The following PLOD2 variants were observed in gnomAD, a reference collection of about 807,000 sequenced individuals.
PLOD2 encodes the protein lysine hydroxylase 2.
PLOD2 carries 65 observed loss-of-function variants against 101.0 expected under a neutral mutation model. The observed-to-expected ratio is 0.64, with a 90% CI of 0.53 to 0.79. PLOD2 has a LOEUF of 0.79. Among genes scored for constraint, PLOD2 ranks in the 30% least tolerant of loss-of-function variants. The probability of loss-of-function intolerance (pLI) is 0.00; values close to 1 mark genes in which losing one functional copy is unlikely to be tolerated. For missense variants in PLOD2, 909 were observed against 914.6 expected (o/e 0.99, Z 0.08); for synonymous variants, 314 against 302.9 (o/e 1.04, Z -0.38).
intron 2 of PLOD2, among the ~76,000 whole-genome samples, chr3:146,122,529 G>C (rs1394918629): frequency 1.3e-5 from 2 of 152,042 alleles, no homozygotes; most frequent in African/African-American, 4.8e-5. Flanking sequence ...CAGACTTCAG[G>C]GTATCACTCC....
At chr3:146,155,440 C>T (rs919754567) in intron 1 of PLOD2, among the ~76,000 whole-genome samples, 4 of 151,858 alleles carry the variant, frequency 2.6e-5, no homozygotes, top group African/African-American at 7.3e-5. Flanking sequence ...TGGCCAGGCG[C>T]GGTGGCTCAC....
intron 8 of PLOD2, 48 bp from the exon 9 acceptor site, chr3:146,088,759 T>C (rs1936874494): frequency 6.9e-7 from 1 of 1,445,478 alleles, no homozygotes; most frequent in African/African-American, 1.4e-5. Flanking sequence ...TAGTATGGTT[T>C]TGTTTTAAAT....
chr3:146,075,505 A>AAAG lies in PLOD2; in HGVS notation c.1677+1274_1677+1276dup, dbSNP rs1553728758. Among the ~76,000 whole-genome samples, 40 of 150,416 alleles carry AAAG rather than the reference A, an allele frequency of 2.7e-4. 1 individual carries two copies. The highest frequency in any genetic ancestry group is 5.3e-4 in the African/African-American group (22 of 41,180). On this transcript the variant is annotated intron_variant, in intron 15 of 19. Transcript: ENST00000282903. ...AAATCTGTAAAAAAAAAAAAAAAAA[A>AAAG]AAGAAGAAGAAAACAGATTTTAAAA... is the stretch of plus-strand genomic sequence containing the variant.
intron 1 of PLOD2, among the ~76,000 whole-genome samples, chr3:146,129,099 A>T (rs759430919): frequency 1.3e-5 from 2 of 152,074 alleles, no homozygotes; most frequent in Non-Finnish European, 2.9e-5. Flanking sequence ...CACTGTTCTC[A>T]TTCTACAACT....
At chr3:146,082,812 T>C (rs1936609358) in intron 11 of PLOD2, among the ~76,000 whole-genome samples, 1 of 152,070 alleles carries the variant, frequency 6.6e-6, no homozygotes, top group South Asian at 2.1e-4. Flanking sequence ...GGAGAATCGC[T>C]TGAACCCGGG....
At chr3:146,112,937 C>A (rs1341777923) in intron 3 of PLOD2, among the ~76,000 whole-genome samples, 2 of 151,432 alleles carry the variant, frequency 1.3e-5, no homozygotes, top group African/African-American at 4.9e-5. Context: ...AACAAACCTG[C>A]ACGTTCTGCA....
intron 4 of PLOD2, among the ~76,000 whole-genome samples, chr3:146,108,268 C>T (rs1404804905): frequency 6.6e-6 from 1 of 152,026 alleles, no homozygotes; most frequent in Non-Finnish European, 1.5e-5. Flanking sequence ...GCAGCCTCGA[C>T]CTCCTGGGCT....
At chr3:146,135,739 C>G (rs1359230169) in intron 1 of PLOD2, among the ~76,000 whole-genome samples, 3 of 151,960 alleles carry the variant, frequency 2.0e-5, no homozygotes, top group East Asian at 1.9e-4. Flanking sequence ...CGTGCATACT[C>G]TCTATTCCAC....
intron 1 of PLOD2, among the ~76,000 whole-genome samples, chr3:146,130,653 A>C (rs2030856587): frequency 6.6e-6 from 1 of 152,196 alleles, no homozygotes; most frequent in African/African-American, 2.4e-5. Flanking sequence ...AATCATCTCA[A>C]ATTCACAGGT....
chr3:146,148,471 T>C (rs1470245972), intron 1 of PLOD2, among the ~76,000 whole-genome samples: 1 of 151,434 alleles, frequency 6.6e-6, no homozygotes, highest in Non-Finnish European at 1.5e-5. Context: ...GAGAAAAAAA[T>C]GACTTCAAAG....
chr3:146,118,664 ATGT>A (rs1162275973), intron 3 of PLOD2, among the ~76,000 whole-genome samples: 4 of 152,206 alleles, frequency 2.6e-5, no homozygotes, highest in Non-Finnish European at 4.4e-5. Flanking sequence ...TGACAATTTG[ATGT>A]TATTATAAAA....
At chr3:146,101,628 G>A (rs1199072924) in intron 7 of PLOD2, among the ~76,000 whole-genome samples, 2 of 152,190 alleles carry the variant, frequency 1.3e-5, no homozygotes, top group Admixed American at 6.5e-5. Context: ...TAGTGACAGC[G>A]AGTTATCTAT....
intron 1 of PLOD2, among the ~76,000 whole-genome samples, chr3:146,158,583 T>C (rs1289907884): frequency 1.3e-5 from 2 of 152,178 alleles, no homozygotes; most frequent in African/African-American, 4.8e-5. Context: ...TATAATGCCA[T>C]ATTGCCTCAA....
chr3:146,157,529 C>T (rs1490198478), intron 1 of PLOD2, among the ~76,000 whole-genome samples: 1 of 152,128 alleles, frequency 6.6e-6, no homozygotes, highest in East Asian at 1.9e-4. Context: ...ACAGGACATG[C>T]GGATTCTCAA....
At chr3:146,117,969 T>C (rs948495877) in intron 3 of PLOD2, among the ~76,000 whole-genome samples, 9 of 152,014 alleles carry the variant, frequency 5.9e-5, no homozygotes, top group South Asian at 2.1e-4. Context: ...GCGAGAGTGA[T>C]GGTAGAGAAA....
chr3:146,100,494 A>C (rs1937348756), intron 7 of PLOD2, among the ~76,000 whole-genome samples: 1 of 152,192 alleles, frequency 6.6e-6, no homozygotes, highest in East Asian at 1.9e-4. Context: ...CAAGAGACCC[A>C]AAAAGTAAAG....
rs1208595881 is a variant in PLOD2, at chr3:146,085,199, C to G, written c.1202G>C (p.Arg401Thr). Reference sequence around the variant, plus strand: ...TTGTTCAATCAAAATTTTTAAAGTCCTTGGATTTGTCAAAACAACATCTGC... The same window carrying G: ...TTGTTCAATCAAAATTTTTAAAGTCGTTGGATTTGTCAAAACAACATCTGC... ...VDADVVLTNPRTLKILIEQNR... is the reference protein window; with the variant it reads ...VDADVVLTNPTTLKILIEQNR... The change falls in exon 11 of 20, where the codon AGG becomes ACG. Residue 401 changes from arginine to threonine, a missense_variant. Transcript: ENST00000282903. 1 of 1,593,264 alleles carries G rather than the reference C, an allele frequency of 6.3e-7. No homozygotes were observed. The highest frequency in any genetic ancestry group is 8.6e-7 in the Non-Finnish European group (1 of 1,162,148).
intron 1 of PLOD2, among the ~76,000 whole-genome samples, chr3:146,125,633 G>A (rs957195958): frequency 3.9e-5 from 6 of 152,082 alleles, no homozygotes; most frequent in African/African-American, 1.2e-4. Flanking sequence ...TGTAATCCCA[G>A]CTACTTAAGA....
chr3:146,083,877 G>A (rs930842501), intron 11 of PLOD2, among the ~76,000 whole-genome samples: 6 of 151,632 alleles, frequency 4.0e-5, no homozygotes, highest in Admixed American at 3.9e-4. Context: ...CACCACACCC[G>A]GCCGGGAATT....
Sources: gnomAD v4.1 joint callset for allele counts (sites outside exome capture counted in the v4.1 genomes callset) on GRCh38, gnomAD v4.1.1 for gene constraint, MANE v1.5 for transcripts, NCBI Gene and HGNC (gene_info 2026-07-23, HGNC 2026-07-21) for gene names.